Variants in LRP1B observed in about 807,000 individuals in gnomAD.
The protein encoded by LRP1B is LDL receptor related protein 1B.
LRP1B carries 217 observed loss-of-function variants against 556.6 expected under a neutral mutation model. The observed-to-expected ratio is 0.39, with a 90% CI of 0.35 to 0.44. The LOEUF is 0.44. Ranked by LOEUF, LRP1B falls within the 20% of genes least tolerant of loss-of-function variation. LRP1B has a pLI of 1.00. For missense variants in LRP1B, 5,053 were observed against 5,620.8 expected (o/e 0.90, Z 3.23); for synonymous variants, 2,047 against 1,865.8 (o/e 1.10, Z -2.50).
chr2:142,076,761 A>G (rs1286940697), intron 1 of LRP1B, among the ~76,000 whole-genome samples: 1 of 152,106 alleles, frequency 6.6e-6, no homozygotes, highest in Admixed American at 6.6e-5. Context: ...AGGTCTCTGT[A>G]ATACTTTTTC....
intron 35 of LRP1B, among the ~76,000 whole-genome samples, chr2:140,720,541 C>T (rs1305392286): frequency 1.3e-5 from 2 of 151,892 alleles, no homozygotes; most frequent in Non-Finnish European, 2.9e-5. Context: ...AAGGAAAGAC[C>T]TTTTGACAAT....
At chr2:140,420,508 C>G (rs1685390849) in intron 66 of LRP1B, among the ~76,000 whole-genome samples, 1 of 152,128 alleles carries the variant, frequency 6.6e-6, no homozygotes, top group South Asian at 2.1e-4. Flanking sequence ...CTATGTAATC[C>G]TGTCTTCAGA....
At chr2:141,731,277 C>G (rs1040915769) in intron 2 of LRP1B, among the ~76,000 whole-genome samples, 2 of 152,080 alleles carry the variant, frequency 1.3e-5, no homozygotes, top group African/African-American at 2.4e-5. Flanking sequence ...GGCACAGTGT[C>G]TGGGCCTGCT....
chr2:140,320,076 CCCTCCTT>C (rs1680018602), intron 82 of LRP1B, among the ~76,000 whole-genome samples: 1 of 152,140 alleles, frequency 6.6e-6, no homozygotes, highest in Non-Finnish European at 1.5e-5. Flanking sequence ...GTGTCCTCCT[CCCTCCTT>C]CCATTTAATC....
At chr2:141,748,495 A>G (rs1166344361) in intron 2 of LRP1B, among the ~76,000 whole-genome samples, 3 of 152,314 alleles carry the variant, frequency 2.0e-5, no homozygotes, top group Middle Eastern at 3.4e-3. Flanking sequence ...CTCATTATCA[A>G]GTGCCTCTGG....
At chr2:141,772,070 A>C (rs2009270) in intron 2 of LRP1B, among the ~76,000 whole-genome samples, 111,869 of 151,760 alleles carry the variant, frequency 0.74, 41,627 homozygotes, top group Non-Finnish European at 0.79. Context: ...CCTGACTGGG[A>C]CTCCCAAAGT....
intron 37 of LRP1B, among the ~76,000 whole-genome samples, chr2:140,707,301 T>C (rs1475033382): frequency 1.3e-5 from 2 of 152,164 alleles, no homozygotes; most frequent in African/African-American, 2.4e-5. Flanking sequence ...AATTCTCTTA[T>C]GTCGGCAGTT....
intron 15 of LRP1B, among the ~76,000 whole-genome samples, chr2:140,995,147 AAAACT>A (rs1697206999): frequency 6.6e-6 from 1 of 152,000 alleles, no homozygotes; most frequent in African/African-American, 2.4e-5. Flanking sequence ...CTGCAGCTCT[AAAACT>A]AGTTTTACTC....
At chr2:141,779,314 G>C (rs1455813065) in intron 2 of LRP1B, among the ~76,000 whole-genome samples, 1 of 151,552 alleles carries the variant, frequency 6.6e-6, no homozygotes, top group East Asian at 1.9e-4. Context: ...TGTTGCTTCA[G>C]ATTAACTACC....
At position 141,414,109 on chromosome 2, in the gene LRP1B, T is replaced by C. The variant is rs372742571; in HGVS notation, c.343+66287A>G. Among the ~76,000 whole-genome samples the C allele has an allele frequency of 2.7e-4, 40 of 150,284 alleles. 1 individual carries two copies. The highest frequency in any genetic ancestry group is 1.5e-3 in the South Asian group (7 of 4,750). On this transcript the variant is annotated intron_variant, in intron 3 of 90. Coordinates refer to ENST00000389484, the MANE Select transcript of LRP1B (RefSeq NM_018557.3). ...AAAATTAGCCGGGTGTGGTGGCGGG[T>C]GCCTGTAGTCCCAGCTACTCGGGAG...
intron 67 of LRP1B, among the ~76,000 whole-genome samples, chr2:140,385,199 C>T (rs1169692421): frequency 6.6e-6 from 1 of 152,116 alleles, no homozygotes; most frequent in Non-Finnish European, 1.5e-5. Context: ...GAGTCATGAT[C>T]ATGCCACTGC....
intron 41 of LRP1B, among the ~76,000 whole-genome samples, chr2:140,615,768 C>CTTTATACTAGGCTCTTCT (rs138391565): frequency 6.6e-6 from 1 of 152,002 alleles, no homozygotes; most frequent in Non-Finnish European, 1.5e-5. Context: ...AACATGCCTT[C>CTTTATACTAGGCTCTTCT]CTCACCTCTT....
In LRP1B at chr2:141,764,188, C is replaced by CT. The variant is rs200148418; in HGVS notation, c.205+46090dup. Among the ~76,000 whole-genome samples the CT allele has an allele frequency of 8.3e-3, 1,229 of 147,896 alleles. 13 individuals are homozygous for CT. Among genetic ancestry groups the CT allele is most frequent in the African/African-American group, 0.028 (1,149 of 40,404 alleles). ...GGGGCTCTGTCTGACAAGATGGTGTCTTTTTTTTTTGAGACAGAGTTTTGC... is the reference window on the plus strand; with the variant it reads ...GGGGCTCTGTCTGACAAGATGGTGTCTTTTTTTTTTTGAGACAGAGTTTTGC... On this transcript the variant is annotated intron_variant, in intron 2 of 90. Transcript: ENST00000389484.
chr2:140,367,524 A>C (rs1682816846), intron 71 of LRP1B, among the ~76,000 whole-genome samples: 3 of 151,754 alleles, frequency 2.0e-5, no homozygotes, highest in African/African-American at 7.2e-5. Context: ...AAACTTCTGC[A>C]ATGCTGAGCT....
chr2:140,507,424 A>G (rs948217405), intron 52 of LRP1B, among the ~76,000 whole-genome samples: 1 of 152,170 alleles, frequency 6.6e-6, no homozygotes, highest in African/African-American at 2.4e-5. Context: ...AAAATAAAAT[A>G]AAACTTTTTG....
At chr2:141,346,077 A>G (rs1403709783) in intron 3 of LRP1B, among the ~76,000 whole-genome samples, 1 of 152,004 alleles carries the variant, frequency 6.6e-6, no homozygotes, top group Non-Finnish European at 1.5e-5. Context: ...TAGTCTCTCT[A>G]AAGTTAAAAT....
At chr2:142,079,502 T>C (rs1055391286) in intron 1 of LRP1B, among the ~76,000 whole-genome samples, 1 of 144,414 alleles carries the variant, frequency 6.9e-6, no homozygotes, top group Non-Finnish European at 1.5e-5. Context: ...TCTTTCTCTT[T>C]TTTTTTATTT....
At chr2:140,718,984 C>T (rs1467838593) in intron 35 of LRP1B, among the ~76,000 whole-genome samples, 1 of 152,086 alleles carries the variant, frequency 6.6e-6, no homozygotes, top group Non-Finnish European at 1.5e-5. Flanking sequence ...GCTCTATTCT[C>T]TCTCACCAAA....
chr2:141,466,701 C>T (rs946527048), intron 3 of LRP1B, among the ~76,000 whole-genome samples: 3 of 151,968 alleles, frequency 2.0e-5, no homozygotes, highest in Admixed American at 6.6e-5. Context: ...CATTTTGCTA[C>T]CTTGAGGATG....
Sources: gnomAD v4.1 joint callset for allele counts (sites outside exome capture counted in the v4.1 genomes callset) on GRCh38, gnomAD v4.1.1 for gene constraint, MANE v1.5 for transcripts, NCBI Gene and HGNC (gene_info 2026-07-23, HGNC 2026-07-21) for gene names.